The following AP5M1 variants were observed in gnomAD, a reference collection of about 807,000 sequenced individuals.
The protein encoded by AP5M1 is AP-5 complex subunit mu-1.
AP5M1 carries 44 observed loss-of-function variants against 52.3 expected under a neutral mutation model. The ratio of observed to expected loss-of-function variants is 0.84; its 90% CI spans 0.66 to 1.08. The LOEUF (loss-of-function observed/expected upper bound fraction) is 1.08, where lower values mean the gene tolerates loss of function less well. Among genes scored for constraint, AP5M1 ranks in the 50% least tolerant of loss-of-function variants. AP5M1 has a pLI of 0.00. For missense variants in AP5M1, 526 were observed against 568.4 expected (o/e 0.93, Z 0.76); for synonymous variants, 213 against 199.0 (o/e 1.07, Z -0.59).
intron 1 of AP5M1, 65 bp from the exon 2 acceptor site, chr14:57,274,179 A>C (rs1884960347): frequency 6.7e-7 from 1 of 1,503,530 alleles, no homozygotes; most frequent in African/African-American, 1.4e-5. Flanking sequence ...GAGTTTTAAA[A>C]AAATTCTTTC....
intron 6 of AP5M1, 133 bp from the exon 7 acceptor site, chr14:57,286,090 G>A (rs1014738237): frequency 3.1e-6 from 2 of 635,260 alleles, no homozygotes; most frequent in South Asian, 1.9e-5. Context: ...CACAATTCAA[G>A]TTTAGTACTT....
In AP5M1 at chr14:57,279,784, A is replaced by G. The variant is rs890156832; in HGVS notation, c.721-411A>G. Among the ~76,000 whole-genome samples, 11 of 152,362 alleles carry G rather than the reference A, an allele frequency of 7.2e-5. No homozygotes were observed. In the South Asian group the frequency reaches 2.1e-3, roughly 29 times the overall value. On this transcript the variant is annotated intron_variant, in intron 2 of 7. Transcript: ENST00000261558. ...GTAGAATCACTGAAAGGATTTGAGC[A>G]TGGAAAAAATATAATAAAAATTATG...
intron 6 of AP5M1, among the ~76,000 whole-genome samples, 156 bp from the exon 7 acceptor site, chr14:57,286,067 G>A (rs2139696413): frequency 6.6e-6 from 1 of 152,198 alleles, no homozygotes; most frequent in South Asian, 2.1e-4. Flanking sequence ...GTATATATAT[G>A]TGTGCGCACA....
Position 57,279,569 on chromosome 14 carries a change from A to C in AP5M1, c.721-626A>C, listed in dbSNP as rs944619246. Among the ~76,000 whole-genome samples the C allele has an allele frequency of 1.3e-5, 2 of 152,118 alleles. 1 individual carries two copies. The highest frequency in any genetic ancestry group is 4.8e-5 in the African/African-American group (2 of 41,428). ...AGGGAGAGCATCAGGAAGAATAGCAAATGGATGCTGGGCTTAATACCTACG... is the reference window on the plus strand; with the variant it reads ...AGGGAGAGCATCAGGAAGAATAGCACATGGATGCTGGGCTTAATACCTACG... On this transcript the variant is annotated intron_variant, in intron 2 of 7. Transcript: ENST00000261558.
At chr14:57,272,226 T>C (rs574867495) in intron 1 of AP5M1, among the ~76,000 whole-genome samples, 1 of 152,336 alleles carries the variant, frequency 6.6e-6, no homozygotes, top group East Asian at 1.9e-4. Flanking sequence ...TTCTGTATCA[T>C]TGAATGACTT....
Position 57,295,182 on chromosome 14 carries a change from G to A in AP5M1, c.*6298G>A, listed in dbSNP as rs1885523340. On this transcript the variant is annotated 3_prime_UTR_variant, in exon 8 of 8. Coordinates refer to ENST00000261558, the MANE Select transcript of AP5M1 (RefSeq NM_018229.4). ...TTTTTTATATGAAACCAGAACTGGAGTGGTAATGGCACTTCTGATTCAATT... is the reference window on the plus strand; with the variant it reads ...TTTTTTATATGAAACCAGAACTGGAATGGTAATGGCACTTCTGATTCAATT... 1 of 151,900 alleles carries A rather than the reference G, an allele frequency of 6.6e-6. No individual in the cohort carries two copies. The highest frequency in any genetic ancestry group is 6.6e-5 in the Admixed American group (1 of 15,210). The allele number at this position is 151,900 out of a possible 1,614,324, so 9.4% of individuals were successfully genotyped here.
intron 2 of AP5M1, among the ~76,000 whole-genome samples, chr14:57,279,490 G>C (rs1321765297): frequency 6.6e-6 from 1 of 152,126 alleles, no homozygotes; most frequent in Non-Finnish European, 1.5e-5. Flanking sequence ...GAGACCACAT[G>C]GTCACAAGCG....
At chr14:57,279,705 G>A (rs1216359928) in intron 2 of AP5M1, among the ~76,000 whole-genome samples, 1 of 152,140 alleles carries the variant, frequency 6.6e-6, no homozygotes, top group African/African-American at 2.4e-5. Context: ...AAAATAAAAA[G>A]GAGGTAGATG....
At position 57,289,002 on chromosome 14, in the gene AP5M1, G is replaced by T. The variant is rs1885377483; in HGVS notation, c.*118G>T. On this transcript the variant is annotated 3_prime_UTR_variant, in exon 8 of 8. Coordinates refer to ENST00000261558, the MANE Select transcript of AP5M1 (RefSeq NM_018229.4). ...TGAAAAATCACTGAATGATTTAATTGTAAAAGTAGTCTTATGTGGTGTTTG... is the reference window on the plus strand; with the variant it reads ...TGAAAAATCACTGAATGATTTAATTTTAAAAGTAGTCTTATGTGGTGTTTG... The T allele has an allele frequency of 3.4e-6, 2 of 596,838 alleles. No homozygotes were observed. Among genetic ancestry groups the T allele is most frequent in the Admixed American group, 3.4e-5 (1 of 29,122 alleles). 37.0% of individuals were successfully genotyped at this position (596,838 alleles called of 1,614,324 possible).
rs747476401 is a variant in AP5M1 at position 57,274,266 on chromosome 14, C to T, written c.97C>T (p.Arg33Ter). The T allele has an allele frequency of 4.3e-6, 7 of 1,609,800 alleles. No individual in the cohort carries two copies. The Admixed American group carries it at 5.0e-5, about 12-fold the overall frequency. The change falls in exon 2 of 8, where the codon CGA becomes TGA. Residue 33 changes from arginine to a stop codon, truncating the protein, a stop_gained. Coordinates refer to ENST00000261558, the MANE Select transcript of AP5M1 (RefSeq NM_018229.4). LOFTEE classifies it high-confidence loss of function. The stretch of plus-strand genomic sequence containing the variant: ...CAGACGGTATCCAACTGTTGAAAAA[C>T]GAGCCAGAGTCTTCAATGGAGCAAG... ...FSRRYPTVEKRARVFNGASYV... is the reference protein window; with the variant it reads ...FSRRYPTVEK
intron 2 of AP5M1, among the ~76,000 whole-genome samples, chr14:57,279,188 C>T (rs1885113212): frequency 1.3e-5 from 2 of 152,032 alleles, no homozygotes; most frequent in South Asian, 4.1e-4. Context: ...GGTATATACC[C>T]AAAGAAATAT....
intron 2 of AP5M1, among the ~76,000 whole-genome samples, chr14:57,278,177 A>G (rs375729434): frequency 2.0e-5 from 3 of 152,370 alleles, no homozygotes; most frequent in African/African-American, 4.8e-5. Flanking sequence ...AAGCCCAACC[A>G]GATTTATGGG....
intron 2 of AP5M1, among the ~76,000 whole-genome samples, chr14:57,278,893 A>G (rs1229434934): frequency 6.6e-6 from 1 of 152,196 alleles, no homozygotes; most frequent in African/African-American, 2.4e-5. Context: ...GACCCTTCCC[A>G]GAAGAAGACA....
chr14:57,284,773 T>C lies in AP5M1; in HGVS notation c.1294-1450T>C, dbSNP rs138887314. 2.1e-3 allele frequency among the ~76,000 whole-genome samples: 326 copies of C among 152,270 alleles called. 1 individual carries two copies. Among genetic ancestry groups the C allele is most frequent in the African/African-American group, 7.5e-3 (310 of 41,566 alleles). On this transcript the variant is annotated intron_variant, in intron 6 of 7. Transcript: ENST00000261558. ...TTCATTCATTGTTTTATTCCAAATA[T>C]CTAGTCCAGGACCTAACACATAAAT...
chr14:57,272,108 G>GT (rs1305706842), intron 1 of AP5M1, among the ~76,000 whole-genome samples: 2 of 152,086 alleles, frequency 1.3e-5, no homozygotes, highest in Non-Finnish European at 1.5e-5. Context: ...TTTTCAGAAT[G>GT]TTTTTTCACT....
At chr14:57,278,195 A>G (rs1885085223) in intron 2 of AP5M1, among the ~76,000 whole-genome samples, 1 of 152,212 alleles carries the variant, frequency 6.6e-6, no homozygotes. Flanking sequence ...GGGAATAAAG[A>G]TGTCTAATAT....
chr14:57,281,378 A>G (rs1885170797), intron 3 of AP5M1, among the ~76,000 whole-genome samples: 1 of 152,244 alleles, frequency 6.6e-6, no homozygotes, highest in Admixed American at 6.5e-5. Context: ...TACTCAAGCT[A>G]GCTTAAGTAG....
chr14:57,288,623 GTC>G (rs1161693657), intron 7 of AP5M1, among the ~76,000 whole-genome samples, 177 bp from the exon 8 acceptor site: 1 of 151,988 alleles, frequency 6.6e-6, no homozygotes, highest in African/African-American at 2.4e-5. Context: ...TATTTAATGA[GTC>G]TATATTTGTA....
intron 7 of AP5M1, among the ~76,000 whole-genome samples, chr14:57,288,222 C>G (rs140718278): frequency 6.6e-6 from 1 of 151,600 alleles, no homozygotes; most frequent in Admixed American, 6.6e-5. Flanking sequence ...ATGTGTAACT[C>G]CAAATGAACA....
Sources: allele counts gnomAD v4.1 joint callset (sites outside exome capture counted in the v4.1 genomes callset), GRCh38; gene constraint gnomAD v4.1.1; transcripts MANE v1.5; gene names NCBI Gene and HGNC (gene_info 2026-07-23, HGNC 2026-07-21).